Variants in SLC8A1 observed in about 807,000 individuals in gnomAD.
SLC8A1 encodes the protein solute carrier family 8 member A1.
A neutral mutation model predicts 68.3 loss-of-function variants in SLC8A1; 18 were observed. That is an observed-to-expected ratio of 0.26 (90% CI 0.18 to 0.39). The LOEUF (loss-of-function observed/expected upper bound fraction) is 0.39, where lower values mean the gene tolerates loss of function less well. SLC8A1 is among the 10% of genes least tolerant of loss of function. The probability of loss-of-function intolerance (pLI) is 1.00; values close to 1 mark genes in which losing one functional copy is unlikely to be tolerated. For synonymous variants in SLC8A1, 475 were observed against 415.5 expected (o/e 1.14, Z -1.74); for missense variants, 985 against 1,156.7 (o/e 0.85, Z 2.15).
chr2:40,097,480 T>G (rs2033639589), exon 8 of SLC8A1: 1 of 148,940 alleles, frequency 6.7e-6, no homozygotes, highest in African/African-American at 2.5e-5. Context: ...ATTTTACACA[T>G]GAAAAATATT....
At chr2:40,500,909 C>G (rs1328684442) in intron 1 of SLC8A1, among the ~76,000 whole-genome samples, 1 of 142,812 alleles carries the variant, frequency 7.0e-6, no homozygotes, top group Non-Finnish European at 1.5e-5. Flanking sequence ...TATTTCTCAG[C>G]TCATAATCCT....
intron 2 of SLC8A1, among the ~76,000 whole-genome samples, chr2:40,321,043 G>A (rs890639271): frequency 6.6e-6 from 1 of 152,068 alleles, no homozygotes; most frequent in East Asian, 1.9e-4. Flanking sequence ...CCCTGAATTG[G>A]GAGCTAAAAA....
At chr2:40,409,445 C>T (rs943236560) in intron 2 of SLC8A1, among the ~76,000 whole-genome samples, 1 of 152,090 alleles carries the variant, frequency 6.6e-6, no homozygotes, top group South Asian at 2.1e-4. Context: ...AGCTTCTGGA[C>T]AGAAATAAAT....
At chr2:40,198,763 C>T (rs1195683758) in intron 2 of SLC8A1, among the ~76,000 whole-genome samples, 1 of 151,816 alleles carries the variant, frequency 6.6e-6, no homozygotes, top group Non-Finnish European at 1.5e-5. Flanking sequence ...GCACTAACTA[C>T]TCTGGAGAGT....
chr2:40,257,712 C>T (rs942498055), intron 2 of SLC8A1, among the ~76,000 whole-genome samples: 1 of 152,168 alleles, frequency 6.6e-6, no homozygotes, highest in Non-Finnish European at 1.5e-5. Context: ...ACCCATAAAG[C>T]AAGTGATTTC....
At chr2:40,238,247 A>T (rs1038163251) in intron 2 of SLC8A1, among the ~76,000 whole-genome samples, 32 of 152,292 alleles carry the variant, frequency 2.1e-4, no homozygotes, top group Non-Finnish European at 4.0e-4. Flanking sequence ...CTGTGCTAGC[A>T]ATCAGTGAGA....
intron 2 of SLC8A1, among the ~76,000 whole-genome samples, chr2:40,422,603 A>G (rs1254606491): frequency 6.6e-6 from 1 of 152,182 alleles, no homozygotes; most frequent in African/African-American, 2.4e-5. Context: ...TGACAGAGCA[A>G]TAACTCTTGA....
At position 40,364,864 on chromosome 2, in the gene SLC8A1, C is replaced by G. The variant is rs1212044480; in HGVS notation, c.1808+63609G>C. Among the ~76,000 whole-genome samples the G allele has an allele frequency of 2.0e-5, 3 of 151,580 alleles. No homozygotes were observed. In the South Asian group the frequency reaches 6.2e-4, roughly 31 times the overall value. On this transcript the variant is annotated intron_variant, in intron 2 of 7. Transcript: ENST00000406785. The stretch of plus-strand genomic sequence containing the variant: ...AGTGAAAGTGCTGCAATTTTTTTTT[C>G]TTTTAATTTTTTTTCTTGAGAAATG...
chr2:40,294,258 AG>A (rs1405998973), intron 2 of SLC8A1, among the ~76,000 whole-genome samples: 1 of 152,098 alleles, frequency 6.6e-6, no homozygotes, highest in East Asian at 1.9e-4. Context: ...CCATCATTTG[AG>A]GTTCCTTTTT....
intron 2 of SLC8A1, among the ~76,000 whole-genome samples, chr2:40,390,809 G>C (rs186239466): frequency 3.2e-4 from 49 of 152,220 alleles, no homozygotes; most frequent in Non-Finnish European, 5.6e-4. Flanking sequence ...ATCACTCCAA[G>C]TGAGCTTAAG....
At chr2:40,112,742 C>T (rs976013790) in exon 8 of SLC8A1, 1 of 152,252 alleles carries the variant, frequency 6.6e-6, no homozygotes, top group African/African-American at 2.4e-5. Flanking sequence ...GTTCCATTGC[C>T]AACAAAGATA....
intron 2 of SLC8A1, among the ~76,000 whole-genome samples, chr2:40,249,956 T>C (rs1264491202): frequency 6.6e-6 from 1 of 152,192 alleles, no homozygotes; most frequent in Admixed American, 6.5e-5. Context: ...TATTAAAAAG[T>C]AAACATCCAA....
rs187767742 is a variant in SLC8A1, at chr2:40,472,288, G to A, written c.-25+40061C>T. Reference sequence around the variant, plus strand: ...TATTCCTTTAATCTCTGTGAGCTTCGTAAAATTGCCCCTTTTATAAGATGG... The same window carrying A: ...TATTCCTTTAATCTCTGTGAGCTTCATAAAATTGCCCCTTTTATAAGATGG... On this transcript the variant is annotated intron_variant, in intron 1 of 7. Transcript: ENST00000402441. Among the ~76,000 whole-genome samples, 496 of 152,206 alleles carry A rather than the reference G, an allele frequency of 3.3e-3. 13 individuals are homozygous for A. Among genetic ancestry groups the A allele is most frequent in the Admixed American group, 0.03 (457 of 15,290 alleles).
intron 1 of SLC8A1, among the ~76,000 whole-genome samples, chr2:40,496,830 A>T (rs1053484320): frequency 2.0e-5 from 3 of 150,730 alleles, no homozygotes; most frequent in African/African-American, 7.3e-5. Flanking sequence ...AAGAACAAAA[A>T]ACCAAACACC....
intron 2 of SLC8A1, among the ~76,000 whole-genome samples, chr2:40,253,135 A>G (rs569563034): frequency 5.5e-5 from 6 of 109,268 alleles, no homozygotes; most frequent in African/African-American, 8.0e-5. Context: ...ACACGTATAT[A>G]TGTATATGTA....
intron 1 of SLC8A1, among the ~76,000 whole-genome samples, chr2:40,511,402 T>C (rs547624959): frequency 6.6e-6 from 1 of 152,326 alleles, no homozygotes; most frequent in East Asian, 1.9e-4. Flanking sequence ...TTTTAACAGA[T>C]ATGCTTTAAT....
intron 3 of SLC8A1, 102 bp from the exon 5 acceptor site, chr2:40,174,944 A>G (rs2048210612): frequency 2.8e-6 from 3 of 1,064,850 alleles, no homozygotes; most frequent in Non-Finnish European, 4.3e-6. Context: ...GGTACTTGCC[A>G]AATTATATTT....
At chr2:40,212,431 T>A (rs1249523069) in intron 2 of SLC8A1, among the ~76,000 whole-genome samples, 1 of 152,000 alleles carries the variant, frequency 6.6e-6, no homozygotes, top group African/African-American at 2.4e-5. Context: ...ACTACAGGTG[T>A]ATGCCACCAT....
At chr2:40,223,700 G>A (rs975185407) in intron 2 of SLC8A1, 14 of 151,930 alleles carry the variant, frequency 9.2e-5, no homozygotes, top group Non-Finnish European at 1.2e-4. Context: ...TGAAAACTAT[G>A]TCACAATATC....
Sources: allele counts gnomAD v4.1 joint callset (sites outside exome capture counted in the v4.1 genomes callset), GRCh38; gene constraint gnomAD v4.1.1; transcripts MANE v1.5; gene names NCBI Gene and HGNC (gene_info 2026-07-23, HGNC 2026-07-21).